ACSL6: variants seen among roughly 807,000 people sequenced by gnomAD.
ACSL6 encodes acyl-CoA synthetase long chain family member 6, also known as long-chain-fatty-acid--CoA ligase 6.
In ACSL6, 47 loss-of-function variants were observed where a neutral mutation model predicts 98.2. That is an observed-to-expected ratio of 0.48 (90% CI 0.38 to 0.61). The LOEUF is 0.61. ACSL6 is among the 20% of genes least tolerant of loss of function. ACSL6 has a pLI of 0.00. For synonymous variants in ACSL6, 362 were observed against 336.9 expected (o/e 1.07, Z -0.82); for missense variants, 761 against 913.4 (o/e 0.83, Z 2.15).
chr5:131,962,528 G>C lies in ACSL6; in HGVS notation c.1857+7C>G. 6.2e-7 allele frequency: 1 copy of C among 1,611,870 alleles called. No individual in the cohort carries two copies. The highest frequency in any genetic ancestry group is 8.5e-7 in the Non-Finnish European group (1 of 1,178,464). ...TATGTGGGAGGGCTGAAGCCTAGAG[G>C]CCTCACCTTTAAGCTGTCCCCATGG... is the stretch of plus-strand genomic sequence containing the variant. On this transcript the variant is annotated splice_region_variant and intron_variant, in intron 18 of 20. Transcript: ENST00000651883.
At position 131,975,025 on chromosome 5, in the gene ACSL6, A is replaced by G; in HGVS notation, c.991-55T>C. On this transcript the variant is annotated intron_variant, in intron 10 of 20. Coordinates refer to ENST00000651883, the MANE Select transcript of ACSL6 (RefSeq NM_001009185.3). Reference sequence around the variant, plus strand: ...GGAAAGAAACACTGACAGGAAGACGACAAGAGAATCATAAAACAATAAAGA... The same window carrying G: ...GGAAAGAAACACTGACAGGAAGACGGCAAGAGAATCATAAAACAATAAAGA... The G allele has an allele frequency of 1.9e-6, 3 of 1,585,088 alleles. No individual in the cohort carries two copies. In the South Asian group the frequency reaches 3.4e-5, roughly 18 times the overall value.
At position 131,970,163 on chromosome 5, in the gene ACSL6, C is replaced by A; in HGVS notation, c.1472G>T (p.Gly491Val). Residue 491 changes from glycine (G) to valine (V), a missense_variant, in exon 15 of 21, where the codon GGA becomes GTA. Gly to Val is a moderately radical substitution (Grantham distance 109, BLOSUM62 -3). Coordinates refer to ENST00000651883, the MANE Select transcript of ACSL6 (RefSeq NM_001009185.3). ...GTCGCCAGGAGTGGTGAAGGTACAT[C>A]CAGCTGTGCACTCAGTTTGGCCATA... is the stretch of plus-strand genomic sequence containing the variant. ...EGYGQTECTA[G>V]CTFTTPGDWT... 6.2e-7 allele frequency: 1 copy of A among 1,614,136 alleles called. No homozygotes were observed. The highest frequency in any genetic ancestry group is 8.5e-7 in the Non-Finnish European group (1 of 1,180,036).
At chr5:131,983,765 TC>T (rs1351410458) in intron 9 of ACSL6, 45 of 152,306 alleles carry the variant, frequency 3.0e-4, no homozygotes, top group African/African-American at 9.9e-4. Flanking sequence ...AGCCTATGTT[TC>T]AAGCCCTATA....
chr5:131,988,709 CTT>C, intron 6 of ACSL6, 94 bp downstream of exon 6: 3 of 1,567,922 alleles, frequency 1.9e-6, no homozygotes, highest in Middle Eastern at 1.7e-4. Context: ...CAAAGTGCCT[CTT>C]ACGAGTGTCA....
chr5:131,984,836 C>T (rs1193342147), intron 9 of ACSL6: 2 of 162,716 alleles, frequency 1.2e-5, no homozygotes, highest in African/African-American at 4.8e-5. Flanking sequence ...CACACCAGCC[C>T]CAGCCTGCAG....
rs1011901419 is a variant in ACSL6 at position 131,988,498 on chromosome 5, A to C, written c.653-272T>G. 7.6e-5 allele frequency: 121 copies of C among 1,592,668 alleles called. No individual in the cohort carries two copies. The Middle Eastern group carries it at 8.3e-4, about 11-fold the overall frequency. The stretch of plus-strand genomic sequence containing the variant: ...GCCCCCATCATCCCAGGTCTGTTTG[A>C]GATATTTACCACCCCCTGCATCTGT... On this transcript the variant is annotated intron_variant, in intron 6 of 20. Transcript: ENST00000651883.
At chr5:131,973,489 G>GGTGCCCTCCATGT in intron 11 of ACSL6, 89 bp from the exon 12 acceptor site, 1 of 1,386,316 alleles carries the variant, frequency 7.2e-7, no homozygotes, top group Non-Finnish European at 9.8e-7. Context: ...GCCCTACATG[G>GGTGCCCTCCATGT]AGGGCACCCA....
intron 1 of ACSL6, among the ~76,000 whole-genome samples, chr5:132,001,345 G>A (rs139578617): frequency 1.3e-5 from 2 of 152,274 alleles, no homozygotes; most frequent in East Asian, 1.9e-4. Context: ...ACACAGCAGC[G>A]CACACTTGCC....
intron 1 of ACSL6, among the ~76,000 whole-genome samples, chr5:132,004,058 C>T (rs948607479): frequency 1.3e-5 from 2 of 152,092 alleles, no homozygotes; most frequent in Admixed American, 6.5e-5. Flanking sequence ...ATGGAGGGCA[C>T]GTGTGTCCTC....
intron 1 of ACSL6, among the ~76,000 whole-genome samples, chr5:132,000,432 C>T (rs1339714926): frequency 1.3e-5 from 2 of 151,616 alleles, no homozygotes; most frequent in Admixed American, 6.6e-5. Context: ...CTCTGAAGTC[C>T]TGCAGCACCT....
upstream of ACSL6, chr5:132,011,922 C>T: frequency 6.4e-7 from 1 of 1,556,926 alleles, no homozygotes; most frequent in Non-Finnish European, 8.7e-7. This position sits in a 1 kb window ranked among gnomAD's most constrained non-coding sequence, Gnocchi z 5.4. Context: ...ACCTGGCATT[C>T]TGCGGAAACC....
chr5:131,963,699 A>G (rs1401687882), intron 17 of ACSL6, among the ~76,000 whole-genome samples: 2 of 151,630 alleles, frequency 1.3e-5, no homozygotes, highest in African/African-American at 2.4e-5. Context: ...TCCCAGCAAA[A>G]CCACTTTCTG....
Position 131,966,533 on chromosome 5 carries a change from C to A in ACSL6, c.1597-1G>T. The A allele has an allele frequency of 6.2e-7, 1 of 1,613,704 alleles. No individual in the cohort carries two copies. Among genetic ancestry groups the A allele is most frequent in the Non-Finnish European group, 8.5e-7 (1 of 1,179,606 alleles). On this transcript the variant is annotated splice_acceptor_variant, in intron 16 of 20. Coordinates refer to ENST00000651883, the MANE Select transcript of ACSL6 (RefSeq NM_001009185.3). LOFTEE classifies it high-confidence loss of function. ...ACACATTTGGTCCTCTCACACATATCTATGGGACAAAAACCATGGCTTCTC... is the reference window on the plus strand; with the variant it reads ...ACACATTTGGTCCTCTCACACATATATATGGGACAAAAACCATGGCTTCTC...
rs1353967257 is a variant in ACSL6 at position 131,950,570 on chromosome 5, A to G, written c.*3664T>C. Reference sequence around the variant, plus strand: ...TAGTTTACCAATTTTATATACGGTTATTCATTCTTTTTTTCCTGAGATATT... The same window carrying G: ...TAGTTTACCAATTTTATATACGGTTGTTCATTCTTTTTTTCCTGAGATATT... On this transcript the variant is annotated 3_prime_UTR_variant, in exon 21 of 21. Transcript: ENST00000651883. The G allele has an allele frequency of 1.0e-5, 2 of 197,614 alleles. No homozygotes were observed. Among genetic ancestry groups the G allele is most frequent in the African/African-American group, 4.6e-5 (2 of 43,396 alleles). The allele number at this position is 197,614 out of a possible 1,614,324, so 12.2% of individuals were successfully genotyped here. A position where few individuals can be genotyped will look rare whatever the true frequency, so the allele number is the denominator to read the frequency against.
chr5:132,011,762 A>G (rs1755750881), upstream of ACSL6: 1 of 1,310,532 alleles, frequency 7.6e-7, no homozygotes, highest in Non-Finnish European at 9.7e-7. This position sits in a 1 kb window ranked among gnomAD's most constrained non-coding sequence, Gnocchi z 5.4. Flanking sequence ...CTCGCAACCG[A>G]GCCTTACTCC....
intron 1 of ACSL6, among the ~76,000 whole-genome samples, chr5:131,996,573 C>A (rs897885772): frequency 1.3e-5 from 2 of 152,186 alleles, no homozygotes; most frequent in Non-Finnish European, 2.9e-5. Flanking sequence ...GCTGTATACC[C>A]CAAAAGTTTT....
intron 1 of ACSL6, 172 bp from the exon 2 acceptor site, chr5:131,994,423 GA>G (rs1383397930): frequency 3.3e-6 from 2 of 608,050 alleles, no homozygotes; most frequent in Non-Finnish European, 5.8e-6. Context: ...CTTTTCCCAG[GA>G]AGAGGCCAGA....
Position 131,971,729 on chromosome 5 carries a change from C to T in ACSL6, c.1339-84G>A, listed in dbSNP as rs1268047979. The T allele has an allele frequency of 3.4e-6, 4 of 1,193,758 alleles. No homozygotes were observed. In the African/African-American group the frequency reaches 6.0e-5, roughly 18 times the overall value. 73.9% of individuals were successfully genotyped at this position (1,193,758 alleles called of 1,614,324 possible). ...TCTGGGTTTCATCCAAGGTCAACAT[C>T]CAACAACTGGGTCCTACCTGGATGC... On this transcript the variant is annotated intron_variant, in intron 13 of 20. Coordinates refer to ENST00000651883, the MANE Select transcript of ACSL6 (RefSeq NM_001009185.3).
At chr5:131,964,025 C>A (rs1157660808) in intron 17 of ACSL6, among the ~76,000 whole-genome samples, 1 of 152,202 alleles carries the variant, frequency 6.6e-6, no homozygotes, top group East Asian at 1.9e-4. Context: ...ATTCCTTGAT[C>A]TATTTAACAT....
Sources: gnomAD v4.1 joint callset for allele counts (sites outside exome capture counted in the v4.1 genomes callset) on GRCh38, gnomAD v4.1.1 for gene constraint, Gnocchi (gnomAD v3.1) non-coding constraint, MANE v1.5 for transcripts, NCBI Gene and HGNC (gene_info 2026-07-23, HGNC 2026-07-21) for gene names.